TRRAP: variants seen among roughly 807,000 people sequenced by gnomAD.
TRRAP encodes the protein transformation/transcription domain-associated protein.
A neutral mutation model predicts 438.8 loss-of-function variants in TRRAP; 41 were observed. That is an observed-to-expected ratio of 0.09 (90% CI 0.07 to 0.12). The LOEUF (loss-of-function observed/expected upper bound fraction) is 0.12. Ranked by LOEUF, TRRAP falls within the 10% of genes least tolerant of loss-of-function variation. The pLI, the probability that TRRAP is intolerant of heterozygous loss-of-function variation, is 1.00. For synonymous variants in TRRAP, 1,994 were observed against 1,962.9 expected, an observed-to-expected ratio of 1.02 and a Z score of -0.42; for missense variants, 3,122 against 5,055.1, an observed-to-expected ratio of 0.62 and a Z score of 11.60.
chr7:98,937,689 A>T lies in TRRAP; in HGVS notation c.4273A>T (p.Thr1425Ser), dbSNP rs1554414582. ...GATIEVDQIHTHMRPLLMMLG... is the reference protein window; with the variant it reads ...GATIEVDQIHSHMRPLLMMLG... ...TACCATAGAAGTCGATCAAATCCAC[A>T]CACATATGCGACCTTTGCTGATGAT... Residue 1425 changes from threonine (T) to serine (S), a missense_variant, in exon 30 of 73, where the codon ACA (threonine) becomes TCA (serine). Transcript: ENST00000456197. 6.2e-7 allele frequency: 1 copy of T among 1,613,256 alleles called. No homozygotes were observed. Among genetic ancestry groups the T allele is most frequent in the Non-Finnish European group, 8.5e-7 (1 of 1,179,748 alleles).
At chr7:98,895,379 A>G (rs1796151606) in intron 6 of TRRAP, among the ~76,000 whole-genome samples, 1 of 152,202 alleles carries the variant, frequency 6.6e-6, no homozygotes, top group Non-Finnish European at 1.5e-5. Context: ...AAAGGCATTG[A>G]AGTGTTAATG....
In TRRAP at chr7:98,950,654, G is replaced by A. The variant is rs1012134286; in HGVS notation, c.5335-222G>A. 5.9e-5 allele frequency among the ~76,000 whole-genome samples: 9 copies of A among 152,196 alleles called. No homozygotes were observed. In the East Asian group the frequency reaches 1.7e-3, roughly 29 times the overall value. ...TTGCCTTGTTTTTAGAAAATGGCTT[G>A]TTTGACATGAAAAGAATAAACCAGG... is the stretch of plus-strand genomic sequence containing the variant. On this transcript the variant is annotated intron_variant, in intron 38 of 72. Coordinates refer to ENST00000456197, the MANE Select transcript of TRRAP (RefSeq NM_001375524.1).
chr7:98,927,154 T>G lies in TRRAP; in HGVS notation c.2976-13T>G. The G allele has an allele frequency of 6.2e-7, 1 of 1,614,180 alleles. No homozygotes were observed. The highest frequency in any genetic ancestry group is 8.5e-7 in the Non-Finnish European group (1 of 1,180,010). Reference sequence around the variant, plus strand: ...TTGGGTGTCGTGACACCAGATCTGATTTTGCCTTTCAGCTTTACAGAAAAG... The same window carrying G: ...TTGGGTGTCGTGACACCAGATCTGAGTTTGCCTTTCAGCTTTACAGAAAAG... On this transcript the variant is annotated splice_polypyrimidine_tract_variant and intron_variant, in intron 22 of 72. Transcript: ENST00000456197.
chr7:98,993,150 A>T (rs2116808280), intron 65 of TRRAP, among the ~76,000 whole-genome samples: 1 of 152,324 alleles, frequency 6.6e-6, no homozygotes, highest in South Asian at 2.1e-4. Flanking sequence ...AGATTGTGAG[A>T]TATTTTTCCA....
intron 3 of TRRAP, among the ~76,000 whole-genome samples, chr7:98,888,377 A>C (rs1162841227): frequency 6.7e-6 from 1 of 148,952 alleles, no homozygotes; most frequent in African/African-American, 2.5e-5. Context: ...TCTCCACTTA[A>C]AAAAAAAAAG....
rs559418540 is a variant in TRRAP, at chr7:98,890,587, T to C, written c.261+142T>C. The C allele has an allele frequency of 2.0e-5, 12 of 586,018 alleles. No individual in the cohort carries two copies. In the East Asian group the frequency reaches 3.6e-4, roughly 18 times the overall value. The allele number at this position is 586,018 out of a possible 1,614,324, so 36.3% of individuals were successfully genotyped here. A position where few individuals can be genotyped will look rare whatever the true frequency, so the allele number is the denominator to read the frequency against. On this transcript the variant is annotated intron_variant, in intron 4 of 72. Transcript: ENST00000456197. ...GATAACTTTGTTCAAGACCGCTGCC[T>C]CCTCAGTTACATGTCTTGGTTTGAT...
rs1410122673 is a variant in TRRAP at position 99,008,653 on chromosome 7, C to T, written c.10938+92C>T. 5.0e-6 allele frequency: 7 copies of T among 1,409,556 alleles called. No homozygotes were observed. The East Asian group carries it at 1.2e-4, about 24-fold the overall frequency. The allele number at this position is 1,409,556 out of a possible 1,614,324, so 87.3% of individuals were successfully genotyped here. On this transcript the variant is annotated intron_variant, in intron 70 of 72. Transcript: ENST00000456197. ...GAGACAGGGGTGTTTAGGAGATGAA[C>T]AGGCATTTGTTGGGGGCCACCTCTG...
chr7:98,929,099 C>T (rs534938598), intron 23 of TRRAP, among the ~76,000 whole-genome samples: 21 of 152,068 alleles, frequency 1.4e-4, no homozygotes, highest in Admixed American at 9.8e-4. Context: ...CCACCACGCC[C>T]GGGTAATTTT....
At chr7:98,929,684 C>G (rs1173705784) in intron 23 of TRRAP, among the ~76,000 whole-genome samples, 4 of 151,828 alleles carry the variant, frequency 2.6e-5, no homozygotes, top group African/African-American at 9.7e-5. Context: ...ACCTCCGTCT[C>G]CTGGGTTCAA....
intron 1 of TRRAP, among the ~76,000 whole-genome samples, chr7:98,878,880 C>T (rs1795284411): frequency 6.6e-6 from 1 of 152,174 alleles, no homozygotes; most frequent in African/African-American, 2.4e-5. Flanking sequence ...GCGCTCGGCG[C>T]TCGCCGTAGC....
In TRRAP at chr7:98,933,201, G is replaced by C. The variant is rs536744233; in HGVS notation, c.3853-40G>C. On this transcript the variant is annotated intron_variant, in intron 26 of 72. Transcript: ENST00000456197. ...TTTTAAAAAGTGTTTGTGTCTCAAG[G>C]GGCAGCTGGTGAGTGGTGCCTCCTC... 10 of 1,566,308 alleles carry C rather than the reference G, an allele frequency of 6.4e-6. 1 individual carries two copies. The African/African-American group carries it at 6.8e-5, about 11-fold the overall frequency.
chr7:98,915,151 G>A (rs1250535376), intron 18 of TRRAP, among the ~76,000 whole-genome samples: 1 of 151,474 alleles, frequency 6.6e-6, no homozygotes, highest in African/African-American at 2.4e-5. Flanking sequence ...TTTACACTTT[G>A]CATACATCTT....
chr7:98,883,664 C>T (rs1795563909), intron 3 of TRRAP, among the ~76,000 whole-genome samples: 1 of 152,170 alleles, frequency 6.6e-6, no homozygotes, highest in African/African-American at 2.4e-5. Context: ...CAGGCATGCA[C>T]TACCACGCCT....
chr7:98,897,063 C>T (rs1002079805), intron 7 of TRRAP, among the ~76,000 whole-genome samples: 3 of 152,094 alleles, frequency 2.0e-5, no homozygotes, highest in East Asian at 1.9e-4. Context: ...GGTGAAACCC[C>T]GTCTCTACTA....
At chr7:98,905,854 A>G (rs755865527) in intron 12 of TRRAP, among the ~76,000 whole-genome samples, 1 of 152,196 alleles carries the variant, frequency 6.6e-6, no homozygotes, top group Non-Finnish European at 1.5e-5. Context: ...ACAATGTTTA[A>G]GGATGGTGGG....
chr7:98,891,945 A>T lies in TRRAP; in HGVS notation c.262-479A>T, dbSNP rs147177067. Among the ~76,000 whole-genome samples, 286 of 152,292 alleles carry T rather than the reference A, an allele frequency of 1.9e-3. 6 individuals are homozygous for T. The Middle Eastern group carries it at 0.041, about 22-fold the overall frequency. ...GCCAGTGTGAGACCTTACATATTTGACCTTTTAGTTGTCAGCTCCACAGAC... is the reference window on the plus strand; with the variant it reads ...GCCAGTGTGAGACCTTACATATTTGTCCTTTTAGTTGTCAGCTCCACAGAC... On this transcript the variant is annotated intron_variant, in intron 4 of 72. Transcript: ENST00000456197.
At chr7:98,955,955 CACAT>C (rs1174261134) in intron 41 of TRRAP, among the ~76,000 whole-genome samples, 187 bp from the exon 42 acceptor site, 3 of 152,094 alleles carry the variant, frequency 2.0e-5, no homozygotes, top group Non-Finnish European at 4.4e-5. Context: ...GGGTGATAAA[CACAT>C]ACATAAGGCA....
At chr7:98,924,588 C>G (rs1410440341) in intron 21 of TRRAP, among the ~76,000 whole-genome samples, 1 of 148,324 alleles carries the variant, frequency 6.7e-6, no homozygotes, top group African/African-American at 2.5e-5. Flanking sequence ...ACTCGGGAGG[C>G]TGAGGCAGGA....
chr7:98,996,876 G>T (rs980944098), intron 67 of TRRAP, among the ~76,000 whole-genome samples: 8 of 152,250 alleles, frequency 5.3e-5, no homozygotes, highest in Middle Eastern at 3.4e-3. Context: ...CTAATTATAA[G>T]ATGATTTTAA....
Sources: allele counts gnomAD v4.1 joint callset (sites outside exome capture counted in the v4.1 genomes callset), GRCh38; gene constraint gnomAD v4.1.1; transcripts MANE v1.5; gene names NCBI Gene and HGNC (gene_info 2026-07-23, HGNC 2026-07-21).